NGEF: variants seen among roughly 807,000 people sequenced by gnomAD.
NGEF encodes ephexin-1.
Under a neutral mutation model 80.9 loss-of-function variants are expected in NGEF, and 31 were observed. The observed-to-expected ratio is 0.38, with a 90% CI of 0.29 to 0.52. The LOEUF (loss-of-function observed/expected upper bound fraction) is 0.52. NGEF is among the 20% of genes least tolerant of loss of function. NGEF has a pLI of 0.84. For missense variants in NGEF, 709 were observed against 926.2 expected, an observed-to-expected ratio of 0.77 and a Z score of 3.04; for synonymous variants, 371 against 370.2, an observed-to-expected ratio of 1.00 and a Z score of -0.03.
At chr2:232,927,885 G>A in intron 3 of NGEF, 2 of 1,290,816 alleles carry the variant, frequency 1.5e-6, no homozygotes, top group Non-Finnish European at 2.0e-6. Flanking sequence ...ACAGGCGCCC[G>A]TCCTCACCTG....
intron 2 of NGEF, among the ~76,000 whole-genome samples, chr2:232,972,275 C>T: frequency 6.6e-6 from 1 of 150,998 alleles, no homozygotes; most frequent in Admixed American, 6.6e-5. Flanking sequence ...AGACTTCATG[C>T]AAAAAAAAGG....
At chr2:232,886,395 C>T (rs545162354) in intron 9 of NGEF, among the ~76,000 whole-genome samples, 2 of 150,650 alleles carry the variant, frequency 1.3e-5, no homozygotes, top group South Asian at 2.1e-4. Flanking sequence ...TATGTATGGG[C>T]GTGTATGTGC....
chr2:232,992,895 G>A (rs1559238035), intron 1 of NGEF, among the ~76,000 whole-genome samples: 1 of 150,634 alleles, frequency 6.6e-6, no homozygotes, highest in Non-Finnish European at 1.5e-5. Flanking sequence ...GCTGAGGTGG[G>A]AGGATGGCTT....
rs140298726 is a variant in NGEF at position 232,954,957 on chromosome 2, C to T, written c.383+15257G>A. On this transcript the variant is annotated intron_variant, in intron 3 of 14. Coordinates refer to ENST00000264051, the MANE Select transcript of NGEF (RefSeq NM_019850.3). ...GTAACAGGTCACGCACGTTGGGGGC[C>T]GATCACTGTTCTCAGCACTTTACGG... Among the ~76,000 whole-genome samples, 480 of 151,914 alleles carry T rather than the reference C, an allele frequency of 3.2e-3. 5 individuals carry two copies. The highest frequency in any genetic ancestry group is 9.9e-3 in the African/African-American group (412 of 41,440).
At chr2:232,973,605 C>G (rs1272533938) in intron 2 of NGEF, among the ~76,000 whole-genome samples, 1 of 151,758 alleles carries the variant, frequency 6.6e-6, no homozygotes, top group Non-Finnish European at 1.5e-5. Context: ...CCTGGGCCAG[C>G]CTGCTGGGGG....
At chr2:232,927,384 G>A (rs999950254) in intron 3 of NGEF, among the ~76,000 whole-genome samples, 198 bp from the exon 4 acceptor site, 5 of 152,124 alleles carry the variant, frequency 3.3e-5, no homozygotes, top group Non-Finnish European at 5.9e-5. Context: ...CCGCACCAGG[G>A]CGCGACCGGG....
Position 232,883,955 on chromosome 2 carries a change from G to A in NGEF, c.1601+26C>T, listed in dbSNP as rs373782892. On this transcript the variant is annotated intron_variant, in intron 11 of 14. Coordinates refer to ENST00000264051, the MANE Select transcript of NGEF (RefSeq NM_019850.3). ...AACACACTCCTCTACCCACCGGAGC[G>A]CCTGATGCCCTGGGCCCCGACTCAC... The A allele has an allele frequency of 3.3e-4, 530 of 1,588,568 alleles. No individual in the cohort carries two copies. Among genetic ancestry groups the A allele is most frequent in the Admixed American group, 3.1e-4 (18 of 58,226 alleles).
chr2:232,951,001 C>T (rs570467689), intron 3 of NGEF, among the ~76,000 whole-genome samples: 1 of 152,304 alleles, frequency 6.6e-6, no homozygotes, highest in East Asian at 1.9e-4. Context: ...ATGATCAGGC[C>T]TCAGACCCAG....
intron 1 of NGEF, among the ~76,000 whole-genome samples, chr2:232,979,726 T>G (rs1694370712): frequency 6.6e-6 from 1 of 152,210 alleles, no homozygotes; most frequent in Non-Finnish European, 1.5e-5. Flanking sequence ...CCTGCTGGCA[T>G]GGGACTCACG....
intron 4 of NGEF, among the ~76,000 whole-genome samples, chr2:232,924,395 A>T (rs1035195103): frequency 8.6e-5 from 13 of 152,028 alleles, no homozygotes; most frequent in Admixed American, 2.6e-4. Context: ...GTGATCTTGG[A>T]CTTCCCAACC....
chr2:232,996,166 A>G (rs1694841127), intron 1 of NGEF, among the ~76,000 whole-genome samples: 1 of 152,124 alleles, frequency 6.6e-6, no homozygotes. Context: ...CATCTTTACT[A>G]AAAATACAAA....
intron 6 of NGEF, among the ~76,000 whole-genome samples, chr2:232,893,670 G>C (rs960941286): frequency 6.6e-6 from 1 of 152,182 alleles, no homozygotes; most frequent in Non-Finnish European, 1.5e-5. Context: ...AGCTACTCGG[G>C]AGGTTGAGGC....
intron 3 of NGEF, among the ~76,000 whole-genome samples, chr2:232,929,116 G>A (rs1053894852): frequency 6.6e-5 from 10 of 152,210 alleles, no homozygotes; most frequent in African/African-American, 1.2e-4. Flanking sequence ...CGCGGCCTGC[G>A]CCTGCAGCCG....
intron 1 of NGEF, among the ~76,000 whole-genome samples, chr2:232,998,209 C>T (rs567086243): frequency 6.6e-6 from 1 of 152,246 alleles, no homozygotes; most frequent in South Asian, 2.1e-4. Context: ...TTGATCTTCA[C>T]AACAACCCCA....
At chr2:232,929,241 T>C (rs972167181) in intron 3 of NGEF, among the ~76,000 whole-genome samples, 2 of 151,950 alleles carry the variant, frequency 1.3e-5, no homozygotes, top group African/African-American at 4.8e-5. Context: ...AAATTCTTCG[T>C]TGGGGGGGAT....
Position 232,894,908 on chromosome 2 carries a change from G to A in NGEF, c.837C>T (p.Phe279=), listed in dbSNP as rs1692009982. The change falls in exon 6 of 15, where the codon TTC becomes TTT. Residue 279 remains phenylalanine (F), a synonymous_variant. Transcript: ENST00000264051. ...AGGACGCCTCGGAAGTGACCAGCTC[G>A]AACATGGCCTGTAGCAGGGAGACCC... ...PEEIKLQEAM[F]ELVTSEASYY... is the part of the protein sequence containing the mutation. 16 of 1,586,182 alleles carry A rather than the reference G, an allele frequency of 1.0e-5. No homozygotes were observed. The highest frequency in any genetic ancestry group is 2.2e-5 in the South Asian group (2 of 89,904).
In NGEF at chr2:232,895,023, G is replaced by A. The variant is rs1692013359; in HGVS notation, c.829-107C>T. Reference sequence around the variant, plus strand: ...AGGGAGGCTCAGCAGGGAGTTGAAAGGGAAAAATCGCCTGCTCCTGGGGCC... The same window carrying A: ...AGGGAGGCTCAGCAGGGAGTTGAAAAGGAAAAATCGCCTGCTCCTGGGGCC... On this transcript the variant is annotated intron_variant, in intron 5 of 14. Transcript: ENST00000264051. The A allele has an allele frequency of 1.0e-5, 13 of 1,292,640 alleles. No homozygotes were observed. The South Asian group carries it at 1.6e-4, about 16-fold the overall frequency. The allele number at this position is 1,292,640 out of a possible 1,614,324, so 80.1% of individuals were successfully genotyped here.
At chr2:232,901,044 A>C (rs1299771494) in intron 5 of NGEF, among the ~76,000 whole-genome samples, 1 of 152,246 alleles carries the variant, frequency 6.6e-6, no homozygotes, top group African/African-American at 2.4e-5. Flanking sequence ...AAGAGGTCAC[A>C]AAAGAGGAAC....
Position 232,988,548 on chromosome 2 carries a change from C to T in NGEF, c.-74-13584G>A, listed in dbSNP as rs540937425. Among the ~76,000 whole-genome samples, 16 of 152,292 alleles carry T rather than the reference C, an allele frequency of 1.1e-4. No homozygotes were observed. In the East Asian group the frequency reaches 1.2e-3, roughly 11 times the overall value. ...GGAGTTTACATGGATTCCAGCCCTA[C>T]GGGACAGTTTGGCAATGCCTATCAA... On this transcript the variant is annotated intron_variant, in intron 1 of 14. Coordinates refer to ENST00000264051, the MANE Select transcript of NGEF (RefSeq NM_019850.3).
Sources: gnomAD v4.1 joint callset for allele counts (sites outside exome capture counted in the v4.1 genomes callset) on GRCh38, gnomAD v4.1.1 for gene constraint, MANE v1.5 for transcripts, NCBI Gene and HGNC (gene_info 2026-07-23, HGNC 2026-07-21) for gene names.